Variants in SYNE1 observed in about 807,000 individuals in gnomAD.
SYNE1 encodes spectrin repeat containing nuclear envelope protein 1, also known as nesprin-1.
A neutral mutation model predicts 1,111.0 loss-of-function variants in SYNE1; 616 were observed. That is an observed-to-expected ratio of 0.55 (90% CI 0.52 to 0.59). SYNE1 has a LOEUF of 0.59. Ranked by LOEUF, SYNE1 falls within the 20% of genes least tolerant of loss-of-function variation. The pLI is 0.00. For synonymous variants in SYNE1, 3,855 were observed against 3,825.8 expected, an observed-to-expected ratio of 1.01 and a Z score of -0.28; for missense variants, 10,006 against 10,417.0, an observed-to-expected ratio of 0.96 and a Z score of 1.72.
chr6:152,242,193 T>C (rs1187280271), intron 107 of SYNE1, 47 bp downstream of exon 107: 3 of 1,501,198 alleles, frequency 2.0e-6, no homozygotes, highest in Middle Eastern at 1.8e-4. Context: ...TTTGAGAGCA[T>C]GCTTTCCAAT....
chr6:152,317,761 C>T (rs938350916), intron 86 of SYNE1, among the ~76,000 whole-genome samples: 1 of 152,162 alleles, frequency 6.6e-6, no homozygotes, highest in Non-Finnish European at 1.5e-5. Flanking sequence ...GAATTCACCC[C>T]AAACTGATTT....
chr6:152,231,412 C>A lies in SYNE1; in HGVS notation c.21018G>T (p.Leu7006=). The part of the protein sequence containing the change: ...LGAMNKSWQI[L]QGLVTEKIQL... ...TTACCTTCTCAGTTACTAGACCTTG[C>A]AGAATTTGCCAACTTTTATTCATTG... The change falls in exon 114 of 146, where the codon CTG becomes CTT. Residue 7006 remains leucine (L), a synonymous_variant. Coordinates refer to ENST00000367255, the MANE Select transcript of SYNE1 (RefSeq NM_182961.4). The A allele has an allele frequency of 6.2e-7, 1 of 1,614,120 alleles. No homozygotes were observed. The highest frequency in any genetic ancestry group is 8.5e-7 in the Non-Finnish European group (1 of 1,180,004).
chr6:152,265,128 C>A (rs899069894), intron 100 of SYNE1, among the ~76,000 whole-genome samples: 2 of 151,072 alleles, frequency 1.3e-5, no homozygotes, highest in African/African-American at 4.9e-5. Flanking sequence ...ATCACTTGTA[C>A]CCGGGAGGCA....
chr6:152,611,382 G>A (rs988871761), intron 3 of SYNE1, among the ~76,000 whole-genome samples: 9 of 152,206 alleles, frequency 5.9e-5, no homozygotes, highest in African/African-American at 2.2e-4. Flanking sequence ...AACCAACAAA[G>A]ATCAAAGGAG....
At chr6:152,350,082 C>CCACACATGCA in intron 72 of SYNE1, 86 bp downstream of exon 72, 1 of 1,495,432 alleles carries the variant, frequency 6.7e-7, no homozygotes, top group Middle Eastern at 2.4e-4. Context: ...GTGTGCACCC[C>CCACACATGCA]CACACATGCA....
chr6:152,550,647 G>T (rs1017476003), intron 3 of SYNE1, among the ~76,000 whole-genome samples: 3 of 151,290 alleles, frequency 2.0e-5, no homozygotes, highest in African/African-American at 7.3e-5. Flanking sequence ...TAAATAATTT[G>T]GTAGCAAAAA....
chr6:152,309,415 T>C (rs1589758607), intron 90 of SYNE1, among the ~76,000 whole-genome samples: 1 of 152,168 alleles, frequency 6.6e-6, no homozygotes, highest in Non-Finnish European at 1.5e-5. Context: ...TATACTTGAG[T>C]GCATTTTTTT....
At position 152,236,958 on chromosome 6, in the gene SYNE1, C is replaced by T. The variant is rs375325366; in HGVS notation, c.20068-10G>A. 6.2e-7 allele frequency: 1 copy of T among 1,612,456 alleles called. No individual in the cohort carries two copies. Among genetic ancestry groups the T allele is most frequent in the African/African-American group, 1.3e-5 (1 of 74,964 alleles). On this transcript the variant is annotated splice_polypyrimidine_tract_variant and intron_variant, in intron 108 of 145. Coordinates refer to ENST00000367255, the MANE Select transcript of SYNE1 (RefSeq NM_182961.4). ...CCAGATGGGACCACGTCTAGAAACA[C>T]AACATGAGTCTGTGAGCTAAAAAAA... is the stretch of plus-strand genomic sequence containing the variant.
intron 49 of SYNE1, among the ~76,000 whole-genome samples, chr6:152,397,181 A>C (rs1187117745): frequency 6.6e-6 from 1 of 152,204 alleles, no homozygotes; most frequent in Non-Finnish European, 1.5e-5. Context: ...CACTGAGGAC[A>C]AAGTGTAAAC....
At chr6:152,438,509 C>G (rs1023800654) in intron 32 of SYNE1, among the ~76,000 whole-genome samples, 1 of 152,138 alleles carries the variant, frequency 6.6e-6, no homozygotes, top group African/African-American at 2.4e-5. Context: ...TCTTAGAAAA[C>G]ATATGAGTGG....
intron 41 of SYNE1, among the ~76,000 whole-genome samples, chr6:152,415,078 G>T (rs113754653): frequency 3.3e-5 from 5 of 152,000 alleles, no homozygotes; most frequent in Non-Finnish European, 7.4e-5. Context: ...TACCAATTAT[G>T]AATACCTTGG....
At position 152,399,782 on chromosome 6, in the gene SYNE1, G is replaced by T. The variant is rs1436200191; in HGVS notation, c.7071C>A (p.Ser2357Arg). 13 of 1,614,028 alleles carry T rather than the reference G, an allele frequency of 8.1e-6. No homozygotes were observed. The change falls in exon 48 of 146, where the codon AGC (serine) becomes AGA (arginine). Residue 2357 changes from serine (S) to arginine (R), a missense_variant. Transcript: ENST00000367255. ...KELQSQQSNI[S>R]STQENLNSLC... ...AGCTATTGAGATTTTCTTGGGTAGA[G>T]CTGATGTTGCTTTGTTGACTTTGAA... is the stretch of plus-strand genomic sequence containing the variant.
rs376236519 is a variant in SYNE1, at chr6:152,211,532, A to G, written c.22551T>C (p.Asp7517=). 11 of 1,613,820 alleles carry G rather than the reference A, an allele frequency of 6.8e-6. No individual in the cohort carries two copies. Among genetic ancestry groups the G allele is most frequent in the Middle Eastern group, 1.6e-4 (1 of 6,082 alleles). Residue 7517 remains aspartate, a synonymous_variant, in exon 124 of 146, where the codon GAT becomes GAC. Transcript: ENST00000367255. ...GACCTTGTTCTAGAAGACGTTGCCC[A>G]TCAATAATGATTGAGTGCAAAATCT... ...RQQILHSIII[D]GQRLLEQGQV...
chr6:152,414,412 G>GA (rs939652030), intron 41 of SYNE1, among the ~76,000 whole-genome samples: 9 of 145,406 alleles, frequency 6.2e-5, no homozygotes, highest in East Asian at 2.0e-4. Context: ...CTGTCTCAAA[G>GA]AAAAAAAAAA....
chr6:152,297,292 A>T (rs1045586961), intron 93 of SYNE1, among the ~76,000 whole-genome samples: 1 of 152,162 alleles, frequency 6.6e-6, no homozygotes, highest in East Asian at 1.9e-4. Context: ...ACACGACCCA[A>T]CTGCACTCCA....
intron 3 of SYNE1, among the ~76,000 whole-genome samples, chr6:152,610,460 G>A (rs1302243775): frequency 6.6e-6 from 1 of 152,116 alleles, no homozygotes; most frequent in East Asian, 1.9e-4. Flanking sequence ...AAAGTAAAAA[G>A]AAATGAGCAA....
At chr6:152,308,395 G>A in intron 91 of SYNE1, 94 bp downstream of exon 91, 2 of 1,570,558 alleles carry the variant, frequency 1.3e-6, no homozygotes, top group South Asian at 1.1e-5. Flanking sequence ...GTGCAGGACA[G>A]GGGAAACTGT....
chr6:152,486,755 C>A (rs1450185564), intron 12 of SYNE1, among the ~76,000 whole-genome samples: 1 of 152,130 alleles, frequency 6.6e-6, no homozygotes, highest in Non-Finnish European at 1.5e-5. Flanking sequence ...CTAAGTTTGA[C>A]AAATATAATA....
chr6:152,487,305 T>C (rs1593744142), intron 12 of SYNE1, among the ~76,000 whole-genome samples: 1 of 152,304 alleles, frequency 6.6e-6, no homozygotes, highest in East Asian at 1.9e-4. Flanking sequence ...CAGGGTTTGG[T>C]TTTCTGTTCC....
Sources: gnomAD v4.1 joint callset for allele counts (sites outside exome capture counted in the v4.1 genomes callset) on GRCh38, gnomAD v4.1.1 for gene constraint, MANE v1.5 for transcripts, NCBI Gene and HGNC (gene_info 2026-07-23, HGNC 2026-07-21) for gene names.